WWP1: variants seen among roughly 807,000 people sequenced by gnomAD.
The protein encoded by WWP1 is NEDD4-like E3 ubiquitin-protein ligase WWP1.
In WWP1, 49 loss-of-function variants were observed where a neutral mutation model predicts 130.6. The ratio of observed to expected loss-of-function variants is 0.38; its 90% CI spans 0.30 to 0.48. The LOEUF (loss-of-function observed/expected upper bound fraction) is 0.48. WWP1 is among the 20% of genes least tolerant of loss of function. WWP1 has a pLI of 0.99. For synonymous variants in WWP1, 332 were observed against 367.8 expected (o/e 0.90, Z 1.11); for missense variants, 809 against 1,100.6 (o/e 0.74, Z 3.75).
intron 8 of WWP1, among the ~76,000 whole-genome samples, chr8:86,409,938 T>C (rs1321803567): frequency 1.3e-5 from 2 of 152,210 alleles, no homozygotes; most frequent in East Asian, 1.9e-4. Context: ...TCTAGATTAC[T>C]TCTTAATTTT....
In WWP1 at chr8:86,419,004, C is replaced by T. The variant is rs553901780; in HGVS notation, c.1062-6219C>T. On this transcript the variant is annotated intron_variant, in intron 9 of 24. Coordinates refer to ENST00000517970, the MANE Select transcript of WWP1 (RefSeq NM_007013.4). Reference sequence around the variant, plus strand: ...TTTAATTAATCCACAATCCACAAGCCCCACCCAGGCACATAAAACTCCCAG... The same window carrying T: ...TTTAATTAATCCACAATCCACAAGCTCCACCCAGGCACATAAAACTCCCAG... 3.4e-4 allele frequency among the ~76,000 whole-genome samples: 52 copies of T among 152,184 alleles called. 1 individual carries two copies. The South Asian group carries it at 0.011, about 31-fold the overall frequency.
intron 9 of WWP1, among the ~76,000 whole-genome samples, chr8:86,414,608 T>C (rs1269311590): frequency 6.6e-6 from 1 of 152,202 alleles, no homozygotes; most frequent in African/African-American, 2.4e-5. Context: ...TTCTTTTGTT[T>C]GGTAACTTAC....
intron 1 of WWP1, among the ~76,000 whole-genome samples, chr8:86,354,559 C>G (rs1823145561): frequency 6.6e-6 from 1 of 152,082 alleles, no homozygotes; most frequent in African/African-American, 2.4e-5. Flanking sequence ...TCCTTTATGG[C>G]ATGCTTTAAA....
At chr8:86,439,111 A>G (rs192901498) in intron 17 of WWP1, among the ~76,000 whole-genome samples, 1,503 of 147,820 alleles carry the variant, frequency 0.01, 28 homozygotes, top group African/African-American at 0.035. Context: ...TGGGAGGCCA[A>G]GGCGGGTGGA....
intron 1 of WWP1, among the ~76,000 whole-genome samples, chr8:86,362,171 T>TATATATATATATATATAAGGC (rs1468264341): frequency 3.1e-5 from 2 of 63,744 alleles, no homozygotes; most frequent in African/African-American, 8.9e-5. Flanking sequence ...GGCATATATA[T>TATATATATATATATATAAGGC]ATATATATAT....
chr8:86,348,207 C>G (rs925226472), intron 1 of WWP1, among the ~76,000 whole-genome samples: 3 of 151,824 alleles, frequency 2.0e-5, no homozygotes, highest in African/African-American at 7.3e-5. Flanking sequence ...TTGATTTAGT[C>G]TTGACATTTC....
chr8:86,360,532 T>C (rs1159890608), intron 1 of WWP1, among the ~76,000 whole-genome samples: 1 of 152,212 alleles, frequency 6.6e-6, no homozygotes, highest in Non-Finnish European at 1.5e-5. Context: ...AGTGGGTACC[T>C]GTCACAGCAT....
At chr8:86,458,684 C>A (rs992845311) in intron 22 of WWP1, among the ~76,000 whole-genome samples, 5 of 152,158 alleles carry the variant, frequency 3.3e-5, no homozygotes, top group African/African-American at 1.2e-4. Flanking sequence ...TTCTGGCTTA[C>A]TTCTGCTTAA....
Position 86,363,831 on chromosome 8 carries a change from C to T in WWP1, c.-114-5108C>T, listed in dbSNP as rs113216409. Among the ~76,000 whole-genome samples, 1,021 of 146,830 alleles carry T rather than the reference C, an allele frequency of 7.0e-3. 6 individuals are homozygous for T. Among genetic ancestry groups the T allele is most frequent in the African/African-American group, 0.023 (942 of 40,418 alleles). Reference sequence around the variant, plus strand: ...AAAAAAAAAGAAATTTGTCTGTGGTCTTGCTGATTTTATTTATTAGGTATT... The same window carrying T: ...AAAAAAAAAGAAATTTGTCTGTGGTTTTGCTGATTTTATTTATTAGGTATT... On this transcript the variant is annotated intron_variant, in intron 1 of 24. Transcript: ENST00000517970.
In WWP1 at chr8:86,342,553, G is replaced by A. The variant is rs757299775; in HGVS notation, c.-492G>A. Among the ~76,000 whole-genome samples, 51 of 151,690 alleles carry A rather than the reference G, an allele frequency of 3.4e-4. No individual in the cohort carries two copies. Among genetic ancestry groups the A allele is most frequent in the Non-Finnish European group, 6.8e-4 (46 of 67,902 alleles). On this transcript the variant is annotated 5_prime_UTR_variant, in exon 1 of 25. Transcript: ENST00000517970. ...GCATGCTCGGGGGAGGCGGATTCCG[G>A]GTCCGGAGTTGGAGGCTTTGGGCGG...
At chr8:86,429,640 C>G (rs1809825898) in intron 11 of WWP1, among the ~76,000 whole-genome samples, 1 of 151,954 alleles carries the variant, frequency 6.6e-6, no homozygotes, top group South Asian at 2.1e-4. Flanking sequence ...ATAAATGATA[C>G]TGGAGTTGAG....
intron 8 of WWP1, among the ~76,000 whole-genome samples, chr8:86,402,540 C>T (rs1808052821): frequency 1.3e-5 from 2 of 152,202 alleles, no homozygotes; most frequent in South Asian, 2.1e-4. Context: ...GATCTGCCCA[C>T]CTCAGCCTCC....
rs79247201 is a variant in WWP1, at chr8:86,380,258, C to A, written c.71-468C>A. ...TGAAAGAAGCCAGTCACAAAAAAAA[C>A]CCACATTATATGATTCCATCTATAT... is the stretch of plus-strand genomic sequence containing the variant. On this transcript the variant is annotated intron_variant, in intron 3 of 24. Coordinates refer to ENST00000517970, the MANE Select transcript of WWP1 (RefSeq NM_007013.4). Among the ~76,000 whole-genome samples the A allele has an allele frequency of 2.0e-3, 299 of 152,068 alleles. 1 individual carries two copies. Among genetic ancestry groups the A allele is most frequent in the African/African-American group, 6.9e-3 (285 of 41,486 alleles).
chr8:86,416,569 C>G (rs1272577398), intron 9 of WWP1, among the ~76,000 whole-genome samples: 8 of 151,314 alleles, frequency 5.3e-5, no homozygotes, highest in African/African-American at 1.9e-4. Context: ...CAAAATTCTT[C>G]CACATTTCTT....
chr8:86,381,537 A>G lies in WWP1; in HGVS notation c.242A>G (p.Gln81Arg). The change falls in exon 5 of 25, where the codon CAA (glutamine) becomes CGA (arginine). Residue 81 changes from glutamine to arginine, a missense_variant. Gln to Arg is a conservative substitution (Grantham distance 43). This residue lies in a region of WWP1 where 262 missense variants were observed against 346.0 expected (regional missense o/e 0.76). Coordinates refer to ENST00000517970, the MANE Select transcript of WWP1 (RefSeq NM_007013.4). The part of the protein sequence containing the change: ...NVTPQTTLEF[Q>R]VWSHRTLKAD... ...ACGCCACAGACTACATTGGAATTTC[A>G]AGTTTGGAGCCATCGCACTTTAAAA... 1.2e-6 allele frequency: 2 copies of G among 1,609,224 alleles called. No homozygotes were observed. The highest frequency in any genetic ancestry group is 1.7e-6 in the Non-Finnish European group (2 of 1,178,944).
intron 8 of WWP1, chr8:86,405,059 G>A (rs188248095): frequency 1.3e-5 from 2 of 152,298 alleles, no homozygotes; most frequent in Admixed American, 1.3e-4. Flanking sequence ...TCTGTTGGTA[G>A]CAGCCATTTA....
chr8:86,366,563 T>C (rs1287175946), intron 1 of WWP1, among the ~76,000 whole-genome samples: 1 of 152,200 alleles, frequency 6.6e-6, no homozygotes, highest in Non-Finnish European at 1.5e-5. Context: ...GTAGTTCCTA[T>C]CAAATTGGTT....
chr8:86,411,866 G>A lies in WWP1; in HGVS notation c.1053G>A (p.Leu351=), dbSNP rs1255343260. The change falls in exon 9 of 25, where the codon TTG becomes TTA. Residue 351 remains leucine (L), a synonymous_variant. Coordinates refer to ENST00000517970, the MANE Select transcript of WWP1 (RefSeq NM_007013.4). ...QQSGNANTET[L]PSGWEQRKDP... Reference sequence around the variant, plus strand: ...CTGGGAATGCCAACACAGAAACCTTGCCATCAGGGTATGTTAAGCTTTTTA... The same window carrying A: ...CTGGGAATGCCAACACAGAAACCTTACCATCAGGGTATGTTAAGCTTTTTA... The A allele has an allele frequency of 6.2e-7, 1 of 1,605,500 alleles. No homozygotes were observed. The highest frequency in any genetic ancestry group is 1.7e-5 in the Admixed American group (1 of 59,386).
chr8:86,467,470 A>G lies in WWP1; in HGVS notation c.*577A>G, dbSNP rs1812240650. On this transcript the variant is annotated 3_prime_UTR_variant, in exon 25 of 25. Coordinates refer to ENST00000517970, the MANE Select transcript of WWP1 (RefSeq NM_007013.4). Reference sequence around the variant, plus strand: ...TGTCAGTTTGTTTTAAATAAATACAATAGTTGAAAATTTTTCTCTGTTACA... The same window carrying G: ...TGTCAGTTTGTTTTAAATAAATACAGTAGTTGAAAATTTTTCTCTGTTACA... The G allele has an allele frequency of 6.6e-6, 1 of 152,546 alleles. No individual in the cohort carries two copies. The highest frequency in any genetic ancestry group is 1.5e-5 in the Non-Finnish European group (1 of 68,046). 9.4% of individuals were successfully genotyped at this position (152,546 alleles called of 1,614,324 possible).
Sources: allele counts gnomAD v4.1 joint callset (sites outside exome capture counted in the v4.1 genomes callset), GRCh38; gene constraint gnomAD v4.1.1; regional missense constraint gnomAD v4.1.1; transcripts MANE v1.5; gene names NCBI Gene and HGNC (gene_info 2026-07-23, HGNC 2026-07-21).